Variants in CHRM3 observed in about 807,000 individuals in gnomAD.
The protein encoded by CHRM3 is muscarinic acetylcholine receptor M3.
In CHRM3, 11 loss-of-function variants were observed where a neutral mutation model predicts 41.8. The observed-to-expected ratio is 0.26, with a 90% CI of 0.17 to 0.44. The LOEUF is 0.44. CHRM3 is among the 20% of genes least tolerant of loss of function. The pLI, the probability that CHRM3 is intolerant of heterozygous loss-of-function variation, is 1.00. For synonymous variants in CHRM3, 297 were observed against 301.4 expected (o/e 0.99, Z 0.15); for missense variants, 571 against 745.4 (o/e 0.77, Z 2.72).
intron 6 of CHRM3, among the ~76,000 whole-genome samples, chr1:239,896,907 A>T (rs976411255): frequency 2.0e-5 from 3 of 152,220 alleles, no homozygotes; most frequent in African/African-American, 4.8e-5. Context: ...GGCATGAAAA[A>T]GACCTTGCTG....
chr1:239,643,588 T>A (rs2148933908), intron 4 of CHRM3, among the ~76,000 whole-genome samples: 1 of 152,280 alleles, frequency 6.6e-6, no homozygotes, highest in African/African-American at 2.4e-5. Context: ...CGGGATATAA[T>A]CTCCTGCTGT....
chr1:239,829,314 T>C (rs1413576010), intron 6 of CHRM3, among the ~76,000 whole-genome samples: 1 of 152,156 alleles, frequency 6.6e-6, no homozygotes, highest in Admixed American at 6.5e-5. Context: ...AGCTATAGTA[T>C]TGGTGTCAGT....
intron 3 of CHRM3, among the ~76,000 whole-genome samples, chr1:239,554,733 T>TA (rs1449325386): frequency 6.8e-6 from 1 of 147,782 alleles, no homozygotes; most frequent in Non-Finnish European, 1.5e-5. Flanking sequence ...TTCTTTCTTT[T>TA]TTTTTTTTTT....
chr1:239,392,717 A>G (rs552943466), intron 1 of CHRM3, among the ~76,000 whole-genome samples: 2 of 152,328 alleles, frequency 1.3e-5, no homozygotes, highest in African/African-American at 4.8e-5. Context: ...TACCATAGGT[A>G]GCTATGGCTA....
intron 3 of CHRM3, among the ~76,000 whole-genome samples, chr1:239,568,954 T>C (rs1661597822): frequency 6.6e-6 from 1 of 152,198 alleles, no homozygotes; most frequent in Non-Finnish European, 1.5e-5. Context: ...TCTCAATATC[T>C]CTTTCTAAAC....
intron 1 of CHRM3, among the ~76,000 whole-genome samples, chr1:239,466,855 C>T (rs1665767408): frequency 6.6e-6 from 1 of 152,074 alleles, no homozygotes. Flanking sequence ...ATCAGTATTA[C>T]ACAAATGAAG....
rs11413091 is a variant in CHRM3 at position 239,618,273 on chromosome 1, C to CTTTTTTTTT, written c.-312-13948_-312-13947insTTTTTTTTT. 4.4e-5 allele frequency among the ~76,000 whole-genome samples: 5 copies of CTTTTTTTTT among 113,046 alleles called. 1 individual carries two copies. Among genetic ancestry groups the CTTTTTTTTT allele is most frequent in the African/African-American group, 1.2e-4 (3 of 25,726 alleles). The allele number at this position is 113,046 out of a possible 152,430, so 74.2% of individuals were successfully genotyped here. A position where few individuals can be genotyped will look rare whatever the true frequency, so the allele number is the denominator to read the frequency against. ...TAGAGAGTAGGAGTACTTTTTTTTT[C>CTTTTTTTTT]TTTCTTTTTTTTTTTTTTTTTTAAT... is the stretch of plus-strand genomic sequence containing the variant. On this transcript the variant is annotated intron_variant, in intron 3 of 6. Coordinates refer to ENST00000676153, the MANE Select transcript of CHRM3 (RefSeq NM_001375978.1).
At chr1:239,631,436 G>C (rs1414325643) in intron 3 of CHRM3, among the ~76,000 whole-genome samples, 1 of 152,042 alleles carries the variant, frequency 6.6e-6, no homozygotes, top group Non-Finnish European at 1.5e-5. Flanking sequence ...CAAACTTCAA[G>C]GTCCTCCTTT....
chr1:239,578,046 A>C (rs868687759), intron 3 of CHRM3, among the ~76,000 whole-genome samples: 3 of 152,210 alleles, frequency 2.0e-5, no homozygotes, highest in Admixed American at 1.3e-4. Flanking sequence ...AGCCTCAAGA[A>C]TGGAAAACTA....
At chr1:239,555,604 G>T (rs1660276456) in intron 3 of CHRM3, among the ~76,000 whole-genome samples, 1 of 152,132 alleles carries the variant, frequency 6.6e-6, no homozygotes, top group Non-Finnish European at 1.5e-5. Flanking sequence ...GCAATGACTG[G>T]CAACCCAGAA....
chr1:239,871,771 C>G (rs1676607317), intron 6 of CHRM3, among the ~76,000 whole-genome samples: 1 of 152,108 alleles, frequency 6.6e-6, no homozygotes, highest in Non-Finnish European at 1.5e-5. Flanking sequence ...TGATTACTGC[C>G]TTAGACCTGA....
chr1:239,436,463 C>G (rs537094607), intron 1 of CHRM3, among the ~76,000 whole-genome samples: 5 of 151,996 alleles, frequency 3.3e-5, no homozygotes, highest in African/African-American at 9.7e-5. Flanking sequence ...GCCCCTACCC[C>G]CAAGGGATTT....
At chr1:239,804,164 A>G (rs1670438004) in intron 5 of CHRM3, among the ~76,000 whole-genome samples, 2 of 152,300 alleles carry the variant, frequency 1.3e-5, no homozygotes, top group South Asian at 2.1e-4. Context: ...ATGTGGCTTT[A>G]CAAAATCGAC....
intron 6 of CHRM3, among the ~76,000 whole-genome samples, chr1:239,901,513 C>T (rs1679567077): frequency 6.6e-6 from 1 of 152,136 alleles, no homozygotes; most frequent in African/African-American, 2.4e-5. Context: ...AAGGTGGTAT[C>T]TGTCTATATG....
chr1:239,883,894 A>G (rs1438009016), intron 6 of CHRM3, among the ~76,000 whole-genome samples: 1 of 152,204 alleles, frequency 6.6e-6, no homozygotes, highest in Non-Finnish European at 1.5e-5. Flanking sequence ...AGTATTTTTG[A>G]AAGAGCATCT....
chr1:239,899,388 C>T (rs1215793213), intron 6 of CHRM3, among the ~76,000 whole-genome samples: 1 of 146,030 alleles, frequency 6.8e-6, no homozygotes, highest in Non-Finnish European at 1.5e-5. Context: ...TATATAAACA[C>T]ATATACATAT....
At chr1:239,674,480 C>T (rs542779969) in intron 4 of CHRM3, among the ~76,000 whole-genome samples, 96 of 151,982 alleles carry the variant, frequency 6.3e-4, no homozygotes, top group Non-Finnish European at 1.2e-3. Flanking sequence ...GAGGCCCAGG[C>T]GGGGGGATCA....
intron 6 of CHRM3, among the ~76,000 whole-genome samples, chr1:239,860,886 AC>A (rs934021758): frequency 2.6e-5 from 4 of 152,080 alleles, no homozygotes; most frequent in African/African-American, 4.8e-5. Context: ...CATTTTAAAT[AC>A]CCTTTAATCC....
chr1:239,520,411 A>C (rs1236518173), intron 2 of CHRM3, among the ~76,000 whole-genome samples: 1 of 151,964 alleles, frequency 6.6e-6, no homozygotes, highest in Non-Finnish European at 1.5e-5. Context: ...TGTCCTGGTG[A>C]TAGTGAGTTC....
Sources: allele counts gnomAD v4.1 joint callset (sites outside exome capture counted in the v4.1 genomes callset), GRCh38; gene constraint gnomAD v4.1.1; transcripts MANE v1.5; gene names NCBI Gene and HGNC (gene_info 2026-07-23, HGNC 2026-07-21).